CRYBG1: variants seen among roughly 807,000 people sequenced by gnomAD.
CRYBG1 encodes crystallin beta-gamma domain containing 1.
Under a neutral mutation model 189.2 loss-of-function variants are expected in CRYBG1, and 139 were observed. That is an observed-to-expected ratio of 0.73 (90% CI 0.64 to 0.85). CRYBG1 has a LOEUF of 0.85. Among genes scored for constraint, CRYBG1 ranks in the 40% least tolerant of loss-of-function variants. The pLI is 0.00. For synonymous variants in CRYBG1, 1,023 were observed against 1,017.1 expected, an observed-to-expected ratio of 1.01 and a Z score of -0.11; for missense variants, 2,611 against 2,675.8, an observed-to-expected ratio of 0.98 and a Z score of 0.53.
At chr6:106,478,402 T>C (rs1304526700) in intron 2 of CRYBG1, among the ~76,000 whole-genome samples, 1 of 152,194 alleles carries the variant, frequency 6.6e-6, no homozygotes, top group Admixed American at 6.5e-5. Flanking sequence ...TATACTGAAT[T>C]ATAAAATCTT....
chr6:106,395,490 T>G (rs1362226434), intron 1 of CRYBG1, among the ~76,000 whole-genome samples: 1 of 152,012 alleles, frequency 6.6e-6, no homozygotes, highest in Non-Finnish European at 1.5e-5. Context: ...CAAATAAATA[T>G]GTATGTATAT....
At chr6:106,482,245 A>C (rs1462695517) in intron 2 of CRYBG1, among the ~76,000 whole-genome samples, 1 of 152,216 alleles carries the variant, frequency 6.6e-6, no homozygotes, top group Non-Finnish European at 1.5e-5. Flanking sequence ...GATGCTTCAA[A>C]TCTTCACCTC....
rs1294358545 is a variant in CRYBG1 at position 106,478,484 on chromosome 6, A to G, written c.312+26652A>G. Among the ~76,000 whole-genome samples the G allele has an allele frequency of 2.0e-5, 3 of 152,240 alleles. No homozygotes were observed. In the East Asian group the frequency reaches 5.8e-4, roughly 29 times the overall value. On this transcript the variant is annotated intron_variant, in intron 2 of 21. Coordinates refer to ENST00000633556, the MANE Select transcript of CRYBG1 (RefSeq NM_001371242.2). ...TGTTCCTCTTACACACCTGCTAAAG[A>G]CAGTGTGACATTTGGCAGCACACAA... is the stretch of plus-strand genomic sequence containing the variant.
Position 106,521,374 on chromosome 6 carries a change from C to T in CRYBG1, c.4166C>T (p.Thr1389Ile). The change falls in exon 4 of 22, where the codon ACC becomes ATC. Residue 1389 changes from threonine (T) to isoleucine (I), a missense_variant. Around this residue, in one of 3 missense-constraint regions of CRYBG1, gnomAD observed 1,622 missense variants for 1,735.0 expected, o/e 0.93. Transcript: ENST00000633556. Reference protein sequence around the residue: ...SNLPNCANSDTDFMGLFKSSR... With the variant: ...SNLPNCANSDIDFMGLFKSSR... ...TTGCCAAACTGTGCAAACAGTGACA[C>T]CGACTTCATGGGTCTTTTCAAATCA... 1 of 1,613,798 alleles carries T rather than the reference C, an allele frequency of 6.2e-7. No homozygotes were observed. The highest frequency in any genetic ancestry group is 8.5e-7 in the Non-Finnish European group (1 of 1,179,926).
At chr6:106,406,297 A>G (rs139262027) in intron 1 of CRYBG1, among the ~76,000 whole-genome samples, 18 of 152,332 alleles carry the variant, frequency 1.2e-4, no homozygotes, top group Admixed American at 8.5e-4. Context: ...GATCGACTTA[A>G]TGAAATAAAG....
rs990520595 is a variant in CRYBG1 at position 106,360,855 on chromosome 6, C to T, written c.-54C>T. ...CTCAGGTGTGTTCTTCCATAGGGCC[C>T]GGGCGGCAGAGAGGACCGCGTCCCG... On this transcript the variant is annotated 5_prime_UTR_variant, in exon 1 of 22. Coordinates refer to ENST00000633556, the MANE Select transcript of CRYBG1 (RefSeq NM_001371242.2). The T allele has an allele frequency of 1.8e-5, 27 of 1,483,014 alleles. No individual in the cohort carries two copies. Among genetic ancestry groups the T allele is most frequent in the Non-Finnish European group, 2.3e-5 (26 of 1,121,012 alleles). The allele number at this position is 1,483,014 out of a possible 1,614,324, so 91.9% of individuals were successfully genotyped here. A position where few individuals can be genotyped will look rare whatever the true frequency, so the allele number is the denominator to read the frequency against.
intron 2 of CRYBG1, among the ~76,000 whole-genome samples, chr6:106,501,866 G>T (rs1773018287): frequency 6.6e-6 from 1 of 152,184 alleles, no homozygotes; most frequent in Non-Finnish European, 1.5e-5. Flanking sequence ...CCATTTTCTA[G>T]AAATAAATCC....
At chr6:106,540,926 G>GT (rs888136070) in intron 9 of CRYBG1, among the ~76,000 whole-genome samples, 2 of 151,952 alleles carry the variant, frequency 1.3e-5, no homozygotes, top group Non-Finnish European at 2.9e-5. Flanking sequence ...ATTTTAGTGA[G>GT]TTTTTTTGTT....
intron 1 of CRYBG1, among the ~76,000 whole-genome samples, chr6:106,435,209 T>G (rs116716331): frequency 0.012 from 1,835 of 152,260 alleles, 43 homozygotes; most frequent in African/African-American, 0.042. Context: ...AAGGTCTCCC[T>G]CTGTCAACCA....
chr6:106,561,136 TTATCCACA>T (rs1774705718), intron 19 of CRYBG1, among the ~76,000 whole-genome samples, 198 bp from the exon 20 acceptor site: 2 of 152,240 alleles, frequency 1.3e-5, no homozygotes, highest in Admixed American at 1.3e-4. Context: ...TCAAACGCAG[TTATCCACA>T]GGCAGGCACC....
intron 1 of CRYBG1, among the ~76,000 whole-genome samples, chr6:106,399,273 A>G (rs1231411412): frequency 6.6e-6 from 1 of 152,210 alleles, no homozygotes; most frequent in East Asian, 1.9e-4. Flanking sequence ...CAGTATAGTC[A>G]GTTTTTTCAA....
chr6:106,422,344 A>ATTTATTTATTTATTTATTTTT (rs57640822), intron 1 of CRYBG1, among the ~76,000 whole-genome samples: 2 of 139,928 alleles, frequency 1.4e-5, no homozygotes. Flanking sequence ...TTATTTATTT[A>ATTTATTTATTTATTTATTTTT]TTTTTGAGAC....
intron 2 of CRYBG1, among the ~76,000 whole-genome samples, chr6:106,499,282 A>G (rs1772943326): frequency 6.8e-6 from 1 of 146,030 alleles, no homozygotes. Context: ...CCTCCCAAGT[A>G]GCTGGGATTA....
intron 6 of CRYBG1, among the ~76,000 whole-genome samples, chr6:106,525,824 GA>G (rs35498768): frequency 1.0e-3 from 152 of 151,708 alleles, no homozygotes; most frequent in African/African-American, 3.6e-3. Context: ...AAACAATAAG[GA>G]AAAAAAATCT....
intron 1 of CRYBG1, among the ~76,000 whole-genome samples, chr6:106,411,960 C>A (rs1463252846): frequency 1.3e-5 from 2 of 152,206 alleles, no homozygotes; most frequent in Non-Finnish European, 2.9e-5. Flanking sequence ...TTTGTTCTAG[C>A]CGGACTGGCA....
chr6:106,421,603 T>C (rs970234966), intron 1 of CRYBG1, among the ~76,000 whole-genome samples: 1 of 152,136 alleles, frequency 6.6e-6, no homozygotes, highest in East Asian at 1.9e-4. Context: ...TGAATGTCAT[T>C]TGGACCCTGT....
At chr6:106,371,086 G>C (rs1770016004) in intron 1 of CRYBG1, among the ~76,000 whole-genome samples, 1 of 152,172 alleles carries the variant, frequency 6.6e-6, no homozygotes, top group Non-Finnish European at 1.5e-5. Flanking sequence ...ACAACAAAAT[G>C]TCACTTAAAG....
At chr6:106,377,648 T>TA (rs56394821) in intron 1 of CRYBG1, among the ~76,000 whole-genome samples, 83 of 146,734 alleles carry the variant, frequency 5.7e-4, no homozygotes, top group Middle Eastern at 3.6e-3. Flanking sequence ...TATATATATA[T>TA]TTTCATTTGC....
At chr6:106,384,825 T>C (rs1247908526) in intron 1 of CRYBG1, among the ~76,000 whole-genome samples, 1 of 151,960 alleles carries the variant, frequency 6.6e-6, no homozygotes, top group African/African-American at 2.4e-5. Context: ...TCAATTCACC[T>C]GGCTTATTCA....
Sources: allele counts gnomAD v4.1 joint callset (sites outside exome capture counted in the v4.1 genomes callset), GRCh38; gene constraint gnomAD v4.1.1; regional missense constraint gnomAD v4.1.1; transcripts MANE v1.5; gene names NCBI Gene and HGNC (gene_info 2026-07-23, HGNC 2026-07-21).